Variants in RBFOX2 observed in about 807,000 individuals in gnomAD.
The protein encoded by RBFOX2 is RNA binding protein fox-1 homolog 2.
RBFOX2 carries 10 observed loss-of-function variants against 49.1 expected under a neutral mutation model. The observed-to-expected ratio is 0.20, with a 90% confidence interval of 0.13 to 0.35. RBFOX2 has a LOEUF of 0.35. Ranked by LOEUF, RBFOX2 falls within the 10% of genes least tolerant of loss-of-function variation. RBFOX2 has a pLI of 1.00. For synonymous variants in RBFOX2, 183 were observed against 187.4 expected, an observed-to-expected ratio of 0.98 and a Z score of 0.19; for missense variants, 323 against 486.9, an observed-to-expected ratio of 0.66 and a Z score of 3.17.
intron 1 of RBFOX2, among the ~76,000 whole-genome samples, chr22:35,869,355 A>G (rs1347772638): frequency 6.6e-6 from 1 of 151,588 alleles, no homozygotes; most frequent in African/African-American, 2.4e-5. Context: ...ACAGGGTTTC[A>G]CTTGTCCAGT....
intron 1 of RBFOX2, among the ~76,000 whole-genome samples, chr22:35,864,050 T>C (rs1045759812): frequency 6.6e-6 from 1 of 152,236 alleles, no homozygotes; most frequent in African/African-American, 2.4e-5. Context: ...TTAATAATGA[T>C]TCATCTGTTT....
Position 36,020,329 on chromosome 22 carries a change from T to C in RBFOX2, c.186+7911A>G, listed in dbSNP as rs1174058014. Among the ~76,000 whole-genome samples, 4 of 152,266 alleles carry C rather than the reference T, an allele frequency of 2.6e-5. No homozygotes were observed. The East Asian group carries it at 7.7e-4, about 29-fold the overall frequency. On this transcript the variant is annotated intron_variant, in intron 1 of 13. Coordinates refer to the RBFOX2 transcript ENST00000438146. ...AACCTAGGCAATACCATTCAGGACA[T>C]AGGCATGGGCAAGGACTTCATGACT...
chr22:35,939,743 T>C (rs887939602), upstream of RBFOX2, among the ~76,000 whole-genome samples: 2 of 152,150 alleles, frequency 1.3e-5, no homozygotes, highest in African/African-American at 4.8e-5. Flanking sequence ...TATAAGGTCA[T>C]ATAACATGAA....
chr22:36,028,604 G>T (rs866753141), exon 1 of RBFOX2, among the ~76,000 whole-genome samples: 10 of 149,260 alleles, frequency 6.7e-5, no homozygotes, highest in African/African-American at 2.4e-4. Flanking sequence ...GCCGCTCCTT[G>T]CCTGACCGCT....
chr22:35,800,889 C>A (rs1949659372), intron 2 of RBFOX2, among the ~76,000 whole-genome samples: 1 of 152,154 alleles, frequency 6.6e-6, no homozygotes, highest in South Asian at 2.1e-4. Flanking sequence ...TCTACTTGAG[C>A]CTAAATGAAG....
chr22:35,970,292 A>T (rs2056797268), intron 1 of RBFOX2, among the ~76,000 whole-genome samples: 1 of 152,150 alleles, frequency 6.6e-6, no homozygotes, highest in Admixed American at 6.5e-5. Flanking sequence ...TCTCCCAGAC[A>T]TCCTCGCTAC....
At chr22:36,010,246 A>T (rs188915897) in intron 1 of RBFOX2, among the ~76,000 whole-genome samples, 25 of 152,230 alleles carry the variant, frequency 1.6e-4, no homozygotes, top group African/African-American at 6.0e-4. Flanking sequence ...GACTGCTAGG[A>T]CAGGCGCTTT....
At chr22:36,011,307 T>G (rs1603466475) in intron 1 of RBFOX2, among the ~76,000 whole-genome samples, 1 of 152,114 alleles carries the variant, frequency 6.6e-6, no homozygotes, top group African/African-American at 2.4e-5. Context: ...CTGCAGGGTA[T>G]TCACGTGAAA....
At chr22:36,011,051 A>G (rs1189280778) in intron 1 of RBFOX2, among the ~76,000 whole-genome samples, 1 of 152,220 alleles carries the variant, frequency 6.6e-6, no homozygotes, top group Non-Finnish European at 1.5e-5. Context: ...AAACCTAGGC[A>G]TCTGGGAAAC....
intron 2 of RBFOX2, among the ~76,000 whole-genome samples, chr22:35,807,561 A>C (rs1951003211): frequency 6.6e-6 from 1 of 152,088 alleles, no homozygotes; most frequent in Non-Finnish European, 1.5e-5. Flanking sequence ...AAAAAAATAA[A>C]AACAATATAG....
chr22:35,927,622 A>C (rs1441656235), intron 1 of RBFOX2, among the ~76,000 whole-genome samples: 3 of 151,840 alleles, frequency 2.0e-5, no homozygotes, highest in Admixed American at 6.6e-5. Context: ...AAAAAAAAAA[A>C]AAAAGCAGAA....
intron 5 of RBFOX2, among the ~76,000 whole-genome samples, chr22:35,767,130 T>A (rs1320088182): frequency 1.3e-5 from 2 of 151,878 alleles, no homozygotes; most frequent in African/African-American, 2.4e-5. Flanking sequence ...AAAATCACCA[T>A]GAAGTCAGTA....
chr22:35,883,998 CTCTTT>C (rs1438476180), intron 1 of RBFOX2, among the ~76,000 whole-genome samples: 3 of 117,970 alleles, frequency 2.5e-5, no homozygotes, highest in Non-Finnish European at 3.3e-5. Flanking sequence ...CTGTAGTTAT[CTCTTT>C]TTTTTTTTTT....
At chr22:35,845,233 A>T (rs1207814909), upstream of RBFOX2, among the ~76,000 whole-genome samples, 4 of 152,166 alleles carry the variant, frequency 2.6e-5, no homozygotes, top group Non-Finnish European at 5.9e-5. Flanking sequence ...CAGATATTAA[A>T]TACCTTTCCA....
At chr22:35,897,902 C>A (rs923690862) in intron 1 of RBFOX2, 5 of 726,500 alleles carry the variant, frequency 6.9e-6, no homozygotes, top group Non-Finnish European at 1.0e-5. Flanking sequence ...TTCAGATGTG[C>A]AACATGAATG....
chr22:35,946,875 A>C (rs1004924172), intron 1 of RBFOX2, among the ~76,000 whole-genome samples: 3 of 152,220 alleles, frequency 2.0e-5, no homozygotes, highest in African/African-American at 7.2e-5. Context: ...CTGATTGCAT[A>C]AACAATGGTA....
At chr22:35,987,742 A>G (rs1344761292) in intron 1 of RBFOX2, among the ~76,000 whole-genome samples, 1 of 152,168 alleles carries the variant, frequency 6.6e-6, no homozygotes, top group Non-Finnish European at 1.5e-5. Context: ...CTCACATTCT[A>G]TGTCACAGAT....
In RBFOX2 at chr22:35,752,631, AATG is replaced by A. The variant is rs1935375176; in HGVS notation, c.888-6073_888-6071del. The A allele has an allele frequency of 6.1e-6, 6 of 984,202 alleles. No individual in the cohort carries two copies. In the South Asian group the frequency reaches 2.4e-4, roughly 39 times the overall value. The allele number at this position is 984,202 out of a possible 1,614,324, so 61.0% of individuals were successfully genotyped here. ...CTCCTACCTGAGGTATTTTAGCGCT[AATG>A]ATTGGTTCCTGTAAGACTATTCTAT... On this transcript the variant is annotated intron_variant, in intron 9 of 11. Transcript: ENST00000405409.
exon 5 of RBFOX2, chr22:35,768,272 C>T (rs747797038): frequency 1.2e-6 from 2 of 1,614,106 alleles, no homozygotes; most frequent in Non-Finnish European, 1.7e-6. Context: ...TTTTACGGCC[C>T]TCTACCACGG....
Sources: allele counts gnomAD v4.1 joint callset (sites outside exome capture counted in the v4.1 genomes callset), GRCh38; gene constraint gnomAD v4.1.1; transcripts MANE v1.5; gene names NCBI Gene and HGNC (gene_info 2026-07-23, HGNC 2026-07-21).